The following PPP2R3C variants were observed in gnomAD, a reference collection of about 807,000 sequenced individuals.
The protein encoded by PPP2R3C is serine/threonine-protein phosphatase 2A regulatory subunit B'' subunit gamma.
A neutral mutation model predicts 63.7 loss-of-function variants in PPP2R3C; 47 were observed. That is an observed-to-expected ratio of 0.74 (90% CI 0.58 to 0.94). The LOEUF (loss-of-function observed/expected upper bound fraction) is 0.94, where lower values mean the gene tolerates loss of function less well. PPP2R3C is among the 40% of genes least tolerant of loss of function. The pLI, the probability that PPP2R3C is intolerant of heterozygous loss-of-function variation, is 0.00. For missense variants in PPP2R3C, 421 were observed against 518.4 expected (o/e 0.81, Z 1.82); for synonymous variants, 180 against 177.4 (o/e 1.01, Z -0.12).
intron 10 of PPP2R3C, among the ~76,000 whole-genome samples, chr14:35,091,614 G>A (rs965879559): frequency 4.6e-5 from 7 of 152,090 alleles, no homozygotes; most frequent in Non-Finnish European, 7.4e-5. Context: ...TGATCCGCCC[G>A]CCTCAGCCTC....
chr14:35,121,928 A>G lies in PPP2R3C; in HGVS notation c.32T>C (p.Leu11Pro), dbSNP rs1229945978. ...GTTTGGACAGGTGTTGGGCGTCGCTAGGCGCCGACGAAGAACTTCTTTCCA... is the reference window on the plus strand; with the variant it reads ...GTTTGGACAGGTGTTGGGCGTCGCTGGGCGCCGACGAAGAACTTCTTTCCA... MDWKEVLRRR[L>P]ATPNTCPNKK... The change falls in exon 1 of 13, where the codon CTA (leucine) becomes CCA (proline). Residue 11 changes from leucine to proline, a missense_variant. Transcript: ENST00000261475. The G allele has an allele frequency of 6.2e-7, 1 of 1,613,946 alleles. No homozygotes were observed. The highest frequency in any genetic ancestry group is 1.3e-5 in the African/African-American group (1 of 74,902).
At chr14:35,102,885 A>C (rs567097094) in intron 6 of PPP2R3C, among the ~76,000 whole-genome samples, 5 of 152,126 alleles carry the variant, frequency 3.3e-5, no homozygotes, top group East Asian at 3.9e-4. Context: ...CTCAGCCTCC[A>C]AGTAGCTGGG....
At position 35,108,101 on chromosome 14, in the gene PPP2R3C, C is replaced by G. The variant is rs750288185; in HGVS notation, c.502+38G>C. On this transcript the variant is annotated intron_variant, in intron 5 of 12. Transcript: ENST00000261475. ...GCACAGACCAAAAACCTACTTGATTCCCAGATAAGGAGTTCAAGCACAGTA... is the reference window on the plus strand; with the variant it reads ...GCACAGACCAAAAACCTACTTGATTGCCAGATAAGGAGTTCAAGCACAGTA... The G allele has an allele frequency of 1.1e-5, 17 of 1,588,904 alleles. No homozygotes were observed. In the East Asian group the frequency reaches 3.6e-4, roughly 34 times the overall value.
intron 2 of PPP2R3C, among the ~76,000 whole-genome samples, chr14:35,111,654 T>C (rs988485830): frequency 6.6e-6 from 1 of 152,220 alleles, no homozygotes; most frequent in Non-Finnish European, 1.5e-5. Context: ...AACATCACTA[T>C]TGTAGTACAC....
chr14:35,096,456 T>C, intron 9 of PPP2R3C, 102 bp downstream of exon 9: 1 of 1,023,422 alleles, frequency 9.8e-7, no homozygotes, highest in East Asian at 2.4e-5. Flanking sequence ...AATTAAATAT[T>C]TTGATCTTAA....
At chr14:35,114,512 C>T (rs1343383021) in intron 2 of PPP2R3C, among the ~76,000 whole-genome samples, 1 of 152,086 alleles carries the variant, frequency 6.6e-6, no homozygotes, top group African/African-American at 2.4e-5. Flanking sequence ...TTGCAAATAA[C>T]GTTGTAATTA....
intron 2 of PPP2R3C, among the ~76,000 whole-genome samples, chr14:35,113,748 T>A (rs1263838102): frequency 6.6e-6 from 1 of 152,158 alleles, no homozygotes; most frequent in African/African-American, 2.4e-5. Context: ...AACAACTGAT[T>A]TACAGCCTTG....
intron 2 of PPP2R3C, among the ~76,000 whole-genome samples, chr14:35,114,621 G>C (rs963915691): frequency 2.0e-5 from 3 of 151,930 alleles, no homozygotes. Context: ...TTCAGTTTCA[G>C]GTATAAATAG....
At chr14:35,092,787 T>C (rs897279328) in intron 10 of PPP2R3C, among the ~76,000 whole-genome samples, 2 of 152,144 alleles carry the variant, frequency 1.3e-5, no homozygotes, top group African/African-American at 4.8e-5. Context: ...ATATTTAAAT[T>C]GCTATTTTAA....
chr14:35,121,993 T>C (rs955896114), upstream of PPP2R3C: 7 of 1,613,552 alleles, frequency 4.3e-6, no homozygotes, highest in South Asian at 6.6e-5. Flanking sequence ...CTGCATTTGC[T>C]GTTTCCTACC....
At chr14:35,097,482 C>CTTTT (rs988302767) in intron 7 of PPP2R3C, among the ~76,000 whole-genome samples, 2 of 133,762 alleles carry the variant, frequency 1.5e-5, no homozygotes, top group African/African-American at 5.5e-5. Flanking sequence ...TGTTCTTGTT[C>CTTTT]TTTTTTTTTT....
chr14:35,119,431 G>C (rs2046798587), intron 1 of PPP2R3C, among the ~76,000 whole-genome samples: 1 of 152,044 alleles, frequency 6.6e-6, no homozygotes, highest in South Asian at 2.1e-4. Context: ...CAAACTCCTA[G>C]ACTGAAACAA....
In PPP2R3C at chr14:35,095,663, A is replaced by T. The variant is rs1213137049; in HGVS notation, c.839-479T>A. Among the ~76,000 whole-genome samples the T allele has an allele frequency of 2.7e-5, 4 of 148,478 alleles. No individual in the cohort carries two copies. The East Asian group carries it at 6.0e-4, about 22-fold the overall frequency. On this transcript the variant is annotated intron_variant, in intron 9 of 12. Transcript: ENST00000261475. ...ACCAGCCTGGCCAACATAGTGAAAC[A>T]CCGTCTCTACTAAAAAAAAAAACAA...
intron 10 of PPP2R3C, among the ~76,000 whole-genome samples, chr14:35,092,715 C>T (rs2045862578): frequency 6.6e-6 from 1 of 152,178 alleles, no homozygotes; most frequent in African/African-American, 2.4e-5. Flanking sequence ...GATCCACCCA[C>T]CTCGGCCTCC....
chr14:35,092,337 T>C (rs755717975), intron 10 of PPP2R3C, among the ~76,000 whole-genome samples: 6 of 152,132 alleles, frequency 3.9e-5, no homozygotes, highest in Admixed American at 6.5e-5. Context: ...CCCAAAGTGC[T>C]GGGACTAGAG....
chr14:35,109,119 C>T (rs1265167824), intron 4 of PPP2R3C, among the ~76,000 whole-genome samples: 3 of 150,730 alleles, frequency 2.0e-5, no homozygotes, highest in Non-Finnish European at 3.0e-5. Context: ...TGCAGTGGCA[C>T]GATCTCGGCT....
At chr14:35,104,827 G>A (rs1237005047) in intron 6 of PPP2R3C, among the ~76,000 whole-genome samples, 2 of 151,816 alleles carry the variant, frequency 1.3e-5, no homozygotes, top group Non-Finnish European at 2.9e-5. Context: ...TGCCTCTTGG[G>A]TTCAAGCGAT....
chr14:35,107,181 C>A (rs527604296), intron 6 of PPP2R3C, 123 bp downstream of exon 6: 5 of 666,896 alleles, frequency 7.5e-6, no homozygotes, highest in Admixed American at 5.6e-5. Context: ...CACAAACACA[C>A]ACAGACAGAA....
chr14:35,087,308 G>A (rs1342978052), intron 12 of PPP2R3C: 1 of 152,176 alleles, frequency 6.6e-6, no homozygotes, highest in African/African-American at 2.4e-5. Context: ...CAGGCTGTTT[G>A]AGGTAGCATA....
Sources: gnomAD v4.1 joint callset for allele counts (sites outside exome capture counted in the v4.1 genomes callset) on GRCh38, gnomAD v4.1.1 for gene constraint, MANE v1.5 for transcripts, NCBI Gene and HGNC (gene_info 2026-07-23, HGNC 2026-07-21) for gene names.